Variants in MYO16 observed in about 807,000 individuals in gnomAD.
The protein encoded by MYO16 is unconventional myosin-XVI.
MYO16 carries 94 observed loss-of-function variants against 205.3 expected under a neutral mutation model. That is an observed-to-expected ratio of 0.46 (90% CI 0.39 to 0.54). MYO16 has a LOEUF of 0.54. MYO16 is among the 20% of genes least tolerant of loss of function. The probability of loss-of-function intolerance (pLI) is 0.00; values close to 1 mark genes in which losing one functional copy is unlikely to be tolerated. For missense variants in MYO16, 2,315 were observed against 2,387.5 expected, an observed-to-expected ratio of 0.97 and a Z score of 0.63; for synonymous variants, 988 against 954.0, an observed-to-expected ratio of 1.04 and a Z score of -0.66.
In MYO16 at chr13:108,883,135, G is replaced by C. The variant is rs55851311; in HGVS notation, c.1502G>C (p.Arg501Thr). ...CCTCACCTCTTCTCCTGTGTGGAGAGAGCCTTTCACCAGCTCTTCCGGGAA... is the reference window on the plus strand; with the variant it reads ...CCTCACCTCTTCTCCTGTGTGGAGACAGCCTTTCACCAGCTCTTCCGGGAA... Reference protein sequence around the residue: ...LPPHLFSCVERAFHQLFREQR... With the variant: ...LPPHLFSCVETAFHQLFREQR... The change falls in exon 13 of 35, where the codon AGA becomes ACA. Residue 501 changes from arginine (R) to threonine (T), a missense_variant. Transcript: ENST00000457511. 14 of 1,613,910 alleles carry C rather than the reference G, an allele frequency of 8.7e-6. No individual in the cohort carries two copies. Among genetic ancestry groups the C allele is most frequent in the Middle Eastern group, 1.6e-4 (1 of 6,084 alleles).
chr13:108,874,690 C>CATT (rs1355356064), intron 12 of MYO16, among the ~76,000 whole-genome samples: 6 of 96,910 alleles, frequency 6.2e-5, no homozygotes, highest in African/African-American at 1.6e-4. Context: ...ACAGTTTCAT[C>CATT]ATCATCATTA....
At chr13:108,537,024 A>T in the MYO16 span, among the ~76,000 whole-genome samples, 1 of 152,110 alleles carries the variant, frequency 6.6e-6, no homozygotes, top group African/African-American at 2.4e-5. Context: ...TCTTACATGG[A>T]TACATTGGAA....
chr13:108,764,784 T>C (rs1885725276), intron 4 of MYO16, among the ~76,000 whole-genome samples: 1 of 152,192 alleles, frequency 6.6e-6, no homozygotes, highest in African/African-American at 2.4e-5. Flanking sequence ...TGGCCATTAA[T>C]TGATTCAAAT....
chr13:109,108,277 A>G (rs1889181480), intron 28 of MYO16, among the ~76,000 whole-genome samples: 1 of 152,230 alleles, frequency 6.6e-6, no homozygotes, highest in East Asian at 1.9e-4. Flanking sequence ...ATGAATGAAT[A>G]AATGAACCTC....
intron 4 of MYO16, among the ~76,000 whole-genome samples, chr13:108,780,817 G>A (rs765682580): frequency 9.9e-5 from 15 of 152,122 alleles, no homozygotes; most frequent in African/African-American, 2.4e-4. Flanking sequence ...CAGAAAGGCC[G>A]GCTTCTGTAT....
chr13:108,753,586 GC>G (rs1885323944), intron 4 of MYO16, among the ~76,000 whole-genome samples: 1 of 152,038 alleles, frequency 6.6e-6, no homozygotes. Context: ...ACTCAAGGAA[GC>G]AAAATTGATT....
chr13:109,130,741 G>A (rs998127304), intron 31 of MYO16, among the ~76,000 whole-genome samples: 1 of 152,200 alleles, frequency 6.6e-6, no homozygotes, highest in African/African-American at 2.4e-5. Flanking sequence ...AGTTAGGACA[G>A]TGATGAAATT....
chr13:108,839,858 G>A (rs1246354848), intron 9 of MYO16, among the ~76,000 whole-genome samples: 2 of 152,140 alleles, frequency 1.3e-5, no homozygotes, highest in African/African-American at 2.4e-5. Context: ...AACTAACCAT[G>A]GAATAGTAAC....
intron 16 of MYO16, among the ~76,000 whole-genome samples, chr13:108,916,010 G>T (rs545272728): frequency 6.6e-6 from 1 of 152,162 alleles, no homozygotes; most frequent in Non-Finnish European, 1.5e-5. Context: ...TAATCTGAGA[G>T]TGTCACATAA....
Position 108,878,864 on chromosome 13 carries a change from C to T in MYO16, c.1426-4195C>T, listed in dbSNP as rs774314938. On this transcript the variant is annotated intron_variant, in intron 12 of 34. Transcript: ENST00000457511. The stretch of plus-strand genomic sequence containing the variant: ...GAGCCACACCCCGTCACACATCCTG[C>T]GAGCAGGATTAGGGAACTCTCCCAT... Among the ~76,000 whole-genome samples the T allele has an allele frequency of 1.9e-4, 29 of 152,336 alleles. No individual in the cohort carries two copies. In the Middle Eastern group the frequency reaches 0.01, roughly 54 times the overall value.
chr13:108,997,332 GAAA>G (rs1885049028), intron 21 of MYO16, among the ~76,000 whole-genome samples: 1 of 5,064 alleles, frequency 2.0e-4, no homozygotes. Context: ...AAGAAAGAAA[GAAA>G]GAAAGAGAGA....
chr13:109,006,911 A>C (rs1045839875), intron 21 of MYO16, among the ~76,000 whole-genome samples: 2 of 152,136 alleles, frequency 1.3e-5, no homozygotes, highest in African/African-American at 2.4e-5. Flanking sequence ...GAGTCCACGA[A>C]GAGTCGGGAA....
chr13:109,033,219 C>T (rs1440196945), intron 23 of MYO16, among the ~76,000 whole-genome samples: 1 of 152,126 alleles, frequency 6.6e-6, no homozygotes, highest in African/African-American at 2.4e-5. Context: ...CCTCTCGTCT[C>T]TCTGTTCTGT....
At chr13:109,071,758 T>A (rs1389445669) in intron 27 of MYO16, among the ~76,000 whole-genome samples, 2 of 152,156 alleles carry the variant, frequency 1.3e-5, no homozygotes, top group African/African-American at 4.8e-5. Context: ...AAGATTGTCT[T>A]TCCTAGAATT....
At chr13:108,941,727 G>A (rs982640551) in intron 16 of MYO16, among the ~76,000 whole-genome samples, 2 of 150,104 alleles carry the variant, frequency 1.3e-5, no homozygotes, top group Admixed American at 1.3e-4. Flanking sequence ...AGTGCATGAA[G>A]GGGCCAGAAA....
chr13:109,124,488 C>A (rs1876143555), intron 29 of MYO16, among the ~76,000 whole-genome samples: 2 of 152,062 alleles, frequency 1.3e-5, no homozygotes, highest in African/African-American at 4.8e-5. Flanking sequence ...AAATGGTGGT[C>A]TTTTATTTTT....
At chr13:108,623,065 G>A (rs577505890) in intron 1 of MYO16, among the ~76,000 whole-genome samples, 1 of 152,096 alleles carries the variant, frequency 6.6e-6, no homozygotes, top group Admixed American at 6.6e-5. Flanking sequence ...TAAGCCCATG[G>A]GCCTGGGAGG....
At chr13:108,938,357 G>A (rs150133868) in intron 16 of MYO16, among the ~76,000 whole-genome samples, 19 of 152,328 alleles carry the variant, frequency 1.2e-4, no homozygotes, top group Admixed American at 3.9e-4. Flanking sequence ...CTGATCCATG[G>A]AATGCACAGT....
At chr13:108,620,432 C>T (rs994083130) in intron 1 of MYO16, among the ~76,000 whole-genome samples, 9 of 152,044 alleles carry the variant, frequency 5.9e-5, no homozygotes, top group South Asian at 4.1e-4. Context: ...AGGGATGAAC[C>T]GTACTAAGAG....
Sources: allele counts gnomAD v4.1 joint callset (sites outside exome capture counted in the v4.1 genomes callset), GRCh38; gene constraint gnomAD v4.1.1; transcripts MANE v1.5; gene names NCBI Gene and HGNC (gene_info 2026-07-23, HGNC 2026-07-21).